Variants in SEMA6D observed in about 807,000 individuals in gnomAD.
The protein encoded by SEMA6D is semaphorin-6D.
A neutral mutation model predicts 106.6 loss-of-function variants in SEMA6D; 35 were observed. That is an observed-to-expected ratio of 0.33 (90% CI 0.25 to 0.44). SEMA6D has a LOEUF of 0.44. Among genes scored for constraint, SEMA6D ranks in the 20% least tolerant of loss-of-function variants. The pLI, the probability that SEMA6D is intolerant of heterozygous loss-of-function variation, is 1.00. For synonymous variants in SEMA6D, 499 were observed against 487.7 expected (o/e 1.02, Z -0.31); for missense variants, 1,185 against 1,345.9 (o/e 0.88, Z 1.87).
intron 2 of SEMA6D, among the ~76,000 whole-genome samples, chr15:47,446,540 T>G (rs905591179): frequency 6.6e-6 from 1 of 152,152 alleles, no homozygotes; most frequent in African/African-American, 2.4e-5. Flanking sequence ...TAAACTCTGG[T>G]GATCACTCAC....
intron 1 of SEMA6D, among the ~76,000 whole-genome samples, chr15:47,410,219 A>G (rs1451981981): frequency 6.6e-6 from 1 of 152,036 alleles, no homozygotes; most frequent in Non-Finnish European, 1.5e-5. Flanking sequence ...CCTGGGCTCA[A>G]GGGATCCGCT....
chr15:47,707,338 C>T (rs1487300036), intron 4 of SEMA6D, among the ~76,000 whole-genome samples: 3 of 152,200 alleles, frequency 2.0e-5, no homozygotes, highest in South Asian at 2.1e-4. Flanking sequence ...ACCTCATCTA[C>T]ACCACACTAA....
exon 1 of SEMA6D, chr15:47,184,199 G>C (rs774951859): frequency 6.5e-6 from 1 of 152,862 alleles, no homozygotes; most frequent in Non-Finnish European, 1.5e-5. Flanking sequence ...AGAGAGCAGA[G>C]AGACCCACCA....
At chr15:47,269,365 T>TA (rs1006659872) in intron 1 of SEMA6D, among the ~76,000 whole-genome samples, 41 of 146,848 alleles carry the variant, frequency 2.8e-4, no homozygotes, top group Middle Eastern at 3.5e-3. Flanking sequence ...TGTAGCTCAT[T>TA]AAAAAAAAAA....
At chr15:47,461,388 G>A (rs76117302) in intron 2 of SEMA6D, among the ~76,000 whole-genome samples, 2,645 of 151,970 alleles carry the variant, frequency 0.017, 53 homozygotes, top group South Asian at 0.06. Flanking sequence ...CAGACCTTGT[G>A]CTTTCTCCCC....
At chr15:47,506,582 G>A (rs929601685) in intron 3 of SEMA6D, among the ~76,000 whole-genome samples, 7 of 126,550 alleles carry the variant, frequency 5.5e-5, no homozygotes, top group African/African-American at 2.0e-4. Flanking sequence ...AACTACATGG[G>A]CATTTACACA....
At chr15:47,674,978 C>T (rs1043781905) in intron 4 of SEMA6D, among the ~76,000 whole-genome samples, 6 of 152,118 alleles carry the variant, frequency 3.9e-5, no homozygotes, top group African/African-American at 9.7e-5. Flanking sequence ...TAAGTGAAAA[C>T]GAATGGTGAG....
At chr15:47,307,330 CTT>C (rs1183562711) in intron 1 of SEMA6D, among the ~76,000 whole-genome samples, 1 of 152,134 alleles carries the variant, frequency 6.6e-6, no homozygotes, top group East Asian at 1.9e-4. Context: ...AGTCTCGTCA[CTT>C]TTTTGCTAGG....
rs145185492 is a variant in SEMA6D, at chr15:47,347,002, G to A, written c.-238-65391G>A. On this transcript the variant is annotated intron_variant, in intron 1 of 19. Coordinates refer to the SEMA6D transcript ENST00000558014. ...CAGCTCACTGCAACTTCCCCCTCCC[G>A]GGTTCAAGCGATTCTTGCACCTCAA... Among the ~76,000 whole-genome samples, 5 of 151,906 alleles carry A rather than the reference G, an allele frequency of 3.3e-5. No individual in the cohort carries two copies. The East Asian group carries it at 5.8e-4, about 18-fold the overall frequency.
chr15:47,210,885 A>G (rs548439617), intron 1 of SEMA6D, among the ~76,000 whole-genome samples: 5 of 151,638 alleles, frequency 3.3e-5, no homozygotes, highest in South Asian at 4.2e-4. Flanking sequence ...AACACATACT[A>G]TGGTTTTTGC....
chr15:47,297,015 GA>G (rs1470227551), intron 1 of SEMA6D, among the ~76,000 whole-genome samples: 2 of 152,094 alleles, frequency 1.3e-5, no homozygotes, highest in African/African-American at 4.8e-5. Context: ...CCCATTTTGA[GA>G]ATTTCTTTCC....
At chr15:47,387,865 G>T (rs1159362494) in intron 1 of SEMA6D, among the ~76,000 whole-genome samples, 1 of 152,180 alleles carries the variant, frequency 6.6e-6, no homozygotes, top group Non-Finnish European at 1.5e-5. Flanking sequence ...CATAATGAGA[G>T]TAGCACCCTC....
intron 1 of SEMA6D, among the ~76,000 whole-genome samples, chr15:47,320,851 GCCCCCCA>G (rs2036896592): frequency 6.6e-6 from 1 of 151,728 alleles, no homozygotes; most frequent in Non-Finnish European, 1.5e-5. Context: ...TCTCCAGCCC[GCCCCCCA>G]CCTTAGATTT....
chr15:47,695,392 A>G (rs1055077742), intron 4 of SEMA6D, among the ~76,000 whole-genome samples: 9 of 152,130 alleles, frequency 5.9e-5, no homozygotes, highest in Admixed American at 5.2e-4. Flanking sequence ...GCCAGTAATC[A>G]TCTCAGCCAA....
In SEMA6D at chr15:47,766,521, A is replaced by G. The variant is rs953573011; in HGVS notation, c.1647-95A>G. 1.3e-5 allele frequency: 14 copies of G among 1,045,860 alleles called. No individual in the cohort carries two copies. The Admixed American group carries it at 2.7e-4, about 20-fold the overall frequency. The allele number at this position is 1,045,860 out of a possible 1,614,324, so 64.8% of individuals were successfully genotyped here. A position where few individuals can be genotyped will look rare whatever the true frequency, so the allele number is the denominator to read the frequency against. On this transcript the variant is annotated intron_variant, in intron 15 of 18. Transcript: ENST00000536845. ...TTTTTTTCTCTCTCTGCCCATTCTT[A>G]CTAATCAGTCTGTGTTCTTGGTTCT... is the stretch of plus-strand genomic sequence containing the variant.
Position 47,693,543 on chromosome 15 carries a change from CT to C in SEMA6D, c.-54-66201del, listed in dbSNP as rs1317459440. On this transcript the variant is annotated intron_variant, in intron 4 of 19. Coordinates refer to the SEMA6D transcript ENST00000558014. The stretch of plus-strand genomic sequence containing the variant: ...CTATCACTGTGACAGTCCCCAAGCC[CT>C]AAGACAGTGATTCTCAGTCCTGCCT... Among the ~76,000 whole-genome samples the C allele has an allele frequency of 3.3e-5, 5 of 152,252 alleles. No individual in the cohort carries two copies. The East Asian group carries it at 9.7e-4, about 29-fold the overall frequency.
At chr15:47,747,947 A>G (rs1429868680) in intron 1 of SEMA6D, among the ~76,000 whole-genome samples, 1 of 152,236 alleles carries the variant, frequency 6.6e-6, no homozygotes, top group Non-Finnish European at 1.5e-5. Context: ...TGCCAGTCCC[A>G]TATATCCACT....
At chr15:47,685,026 A>G (rs1418769295) in intron 4 of SEMA6D, among the ~76,000 whole-genome samples, 2 of 152,208 alleles carry the variant, frequency 1.3e-5, no homozygotes, top group Non-Finnish European at 1.5e-5. Flanking sequence ...AGGAGGAAAG[A>G]GTGGACTAAA....
chr15:47,548,865 A>G (rs1254716811), intron 3 of SEMA6D, among the ~76,000 whole-genome samples: 2 of 152,182 alleles, frequency 1.3e-5, no homozygotes, highest in South Asian at 2.1e-4. Flanking sequence ...ATGATACCAT[A>G]TAATTCTAAT....
Sources: gnomAD v4.1 joint callset for allele counts (sites outside exome capture counted in the v4.1 genomes callset) on GRCh38, gnomAD v4.1.1 for gene constraint, MANE v1.5 for transcripts, NCBI Gene and HGNC (gene_info 2026-07-23, HGNC 2026-07-21) for gene names.